NALF1: variants seen among roughly 807,000 people sequenced by gnomAD.
The protein encoded by NALF1 is family with sequence similarity 155 member A.
A neutral mutation model predicts 48.4 loss-of-function variants in NALF1; 3 were observed. The ratio of observed to expected loss-of-function variants is 0.06; its 90% CI spans 0.03 to 0.16. NALF1 has a LOEUF of 0.16. NALF1 is among the 10% of genes least tolerant of loss of function. The pLI is 1.00. For synonymous variants in NALF1, 262 were observed against 245.7 expected (o/e 1.07, Z -0.62); for missense variants, 526 against 571.5 (o/e 0.92, Z 0.81).
intron 1 of NALF1, among the ~76,000 whole-genome samples, chr13:107,541,393 G>T (rs1876994804): frequency 6.6e-6 from 1 of 152,046 alleles, no homozygotes; most frequent in Non-Finnish European, 1.5e-5. Context: ...TAGATAAAAA[G>T]AAGGGCATTT....
At chr13:107,747,878 A>G (rs555540188) in intron 1 of NALF1, among the ~76,000 whole-genome samples, 109 of 152,174 alleles carry the variant, frequency 7.2e-4, no homozygotes, top group Non-Finnish European at 1.1e-3. Context: ...ATTTCATACT[A>G]AATGTAATTA....
At chr13:107,677,246 A>G (rs1881155735) in intron 1 of NALF1, among the ~76,000 whole-genome samples, 1 of 152,164 alleles carries the variant, frequency 6.6e-6, no homozygotes, top group South Asian at 2.1e-4. Flanking sequence ...AGGGTTTGTC[A>G]TGTTGGCCAG....
At chr13:107,839,777 T>A (rs1879996055) in intron 1 of NALF1, among the ~76,000 whole-genome samples, 1 of 152,132 alleles carries the variant, frequency 6.6e-6, no homozygotes, top group Non-Finnish European at 1.5e-5. Flanking sequence ...GTGGAAAAAG[T>A]AAATTAAAAT....
intron 1 of NALF1, among the ~76,000 whole-genome samples, chr13:107,783,672 C>T (rs946454130): frequency 1.2e-4 from 18 of 151,630 alleles, no homozygotes; most frequent in Non-Finnish European, 1.6e-4. Flanking sequence ...GCAGCATGCT[C>T]GTTAAGAGTC....
At chr13:107,274,183 C>G (rs896333639) in intron 1 of NALF1, among the ~76,000 whole-genome samples, 3 of 152,146 alleles carry the variant, frequency 2.0e-5, no homozygotes, top group African/African-American at 7.2e-5. Context: ...GCATTTTACA[C>G]ACTTGGGTAA....
intron 1 of NALF1, among the ~76,000 whole-genome samples, chr13:107,552,856 A>T (rs1877336865): frequency 6.6e-6 from 1 of 152,164 alleles, no homozygotes; most frequent in South Asian, 2.1e-4. Context: ...GTGCTTTACC[A>T]GTGATTTACT....
At chr13:107,518,732 G>C (rs1344084022) in intron 1 of NALF1, among the ~76,000 whole-genome samples, 1 of 152,148 alleles carries the variant, frequency 6.6e-6, no homozygotes, top group African/African-American at 2.4e-5. Context: ...GACCTAGCCA[G>C]AAATTGCCCA....
intron 1 of NALF1, among the ~76,000 whole-genome samples, chr13:107,271,791 TATATATATATATATATATA>T (rs1881173609): frequency 2.4e-5 from 3 of 123,688 alleles, no homozygotes; most frequent in Non-Finnish European, 3.5e-5. Flanking sequence ...TATATATATA[TATATATATATATATATATA>T]TATATATTTA....
At chr13:107,594,370 A>G (rs1878685514) in intron 1 of NALF1, among the ~76,000 whole-genome samples, 1 of 152,046 alleles carries the variant, frequency 6.6e-6, no homozygotes, top group Non-Finnish European at 1.5e-5. Context: ...TTGAACAGTG[A>G]ACTATGTAGT....
intron 2 of NALF1, among the ~76,000 whole-genome samples, chr13:107,175,038 G>T (rs2769911): frequency 5.7e-5 from 6 of 106,144 alleles, no homozygotes; most frequent in African/African-American, 1.6e-4. Flanking sequence ...CGCCCGCCAC[G>T]ACGCCCGGCT....
chr13:107,733,591 T>A (rs1436596512), intron 1 of NALF1, among the ~76,000 whole-genome samples: 1 of 152,166 alleles, frequency 6.6e-6, no homozygotes, highest in Non-Finnish European at 1.5e-5. Flanking sequence ...TACAGTTCTC[T>A]AAAAATCAGA....
intron 1 of NALF1, among the ~76,000 whole-genome samples, chr13:107,465,614 G>A (rs1470268988): frequency 6.6e-6 from 1 of 152,146 alleles, no homozygotes; most frequent in Non-Finnish European, 1.5e-5. Flanking sequence ...AACTTGGAAT[G>A]GAATCCTACT....
intron 1 of NALF1, among the ~76,000 whole-genome samples, chr13:107,504,535 T>C (rs186611674): frequency 6.6e-6 from 1 of 152,310 alleles, no homozygotes. Context: ...ATAAACCACA[T>C]ATGTACACAA....
chr13:107,361,436 G>A (rs149512908), intron 1 of NALF1, among the ~76,000 whole-genome samples: 83 of 152,044 alleles, frequency 5.5e-4, no homozygotes, highest in African/African-American at 1.9e-3. Flanking sequence ...CAGTACACGC[G>A]GTAAAATATG....
chr13:107,562,980 T>A (rs1448263797), intron 1 of NALF1, among the ~76,000 whole-genome samples: 1 of 152,206 alleles, frequency 6.6e-6, no homozygotes, highest in African/African-American at 2.4e-5. Context: ...TGAGTAGGCT[T>A]TTTGAATTCA....
intron 1 of NALF1, among the ~76,000 whole-genome samples, chr13:107,375,441 A>G (rs188353149): frequency 7.2e-4 from 109 of 152,342 alleles, no homozygotes; most frequent in African/African-American, 2.4e-3. Flanking sequence ...AAAAATGTAT[A>G]TTAAACAAGC....
chr13:107,816,716 A>G (rs1879174830), intron 1 of NALF1, among the ~76,000 whole-genome samples: 1 of 152,180 alleles, frequency 6.6e-6, no homozygotes, highest in South Asian at 2.1e-4. Flanking sequence ...AGCATATGAC[A>G]AAGTTTGCTG....
intron 1 of NALF1, among the ~76,000 whole-genome samples, chr13:107,755,209 C>A (rs150238006): frequency 3.9e-5 from 6 of 152,220 alleles, no homozygotes; most frequent in Admixed American, 2.0e-4. Flanking sequence ...GTCCTGCCTA[C>A]GGCTCCCTTT....
intron 1 of NALF1, among the ~76,000 whole-genome samples, chr13:107,756,024 A>T (rs1408186875): frequency 6.6e-6 from 1 of 152,204 alleles, no homozygotes; most frequent in Non-Finnish European, 1.5e-5. Flanking sequence ...CACAGTATCT[A>T]ATGAGGTCTT....
Sources: allele counts gnomAD v4.1 joint callset (sites outside exome capture counted in the v4.1 genomes callset), GRCh38; gene constraint gnomAD v4.1.1; transcripts MANE v1.5; gene names NCBI Gene and HGNC (gene_info 2026-07-23, HGNC 2026-07-21).